MMRN1: variants seen among roughly 807,000 people sequenced by gnomAD.
MMRN1 encodes the protein multimerin 1.
A neutral mutation model predicts 100.7 loss-of-function variants in MMRN1; 94 were observed. That is an observed-to-expected ratio of 0.93 (90% CI 0.79 to 1.11). The LOEUF (loss-of-function observed/expected upper bound fraction) is 1.11. Among genes scored for constraint, MMRN1 ranks in the 50% least tolerant of loss-of-function variants. MMRN1 has a pLI of 0.00. For synonymous variants in MMRN1, 575 were observed against 505.0 expected (o/e 1.14, Z -1.86); for missense variants, 1,606 against 1,439.1 (o/e 1.12, Z -1.88).
intron 5 of MMRN1, 64 bp from the exon 6 acceptor site, chr4:89,934,746 T>C (rs1176660158): frequency 5.3e-6 from 5 of 947,996 alleles, no homozygotes; most frequent in Non-Finnish European, 5.9e-6. Context: ...ACTTTTTATC[T>C]TTTAGAGATG....
At chr4:89,923,446 A>C (rs1722153012) in intron 4 of MMRN1, among the ~76,000 whole-genome samples, 174 bp downstream of exon 4, 1 of 152,244 alleles carries the variant, frequency 6.6e-6, no homozygotes, top group African/African-American at 2.4e-5. Context: ...ATAAGCTATA[A>C]TAGGTACTGA....
intron 3 of MMRN1, among the ~76,000 whole-genome samples, chr4:89,913,371 T>A (rs1311723236): frequency 3.3e-5 from 5 of 151,322 alleles, no homozygotes; most frequent in African/African-American, 1.2e-4. Context: ...CACATCTTAT[T>A]AGTAGACATG....
At chr4:89,941,060 A>G (rs1193451389) in intron 6 of MMRN1, among the ~76,000 whole-genome samples, 1 of 152,166 alleles carries the variant, frequency 6.6e-6, no homozygotes, top group African/African-American at 2.4e-5. Flanking sequence ...GTTTTCTCCA[A>G]GCGATTTTCT....
chr4:89,935,555 C>G lies in MMRN1; in HGVS notation c.1875C>G (p.Leu625=). 16 of 1,613,228 alleles carry G rather than the reference C, an allele frequency of 9.9e-6. No individual in the cohort carries two copies. Among genetic ancestry groups the G allele is most frequent in the Non-Finnish European group, 1.2e-5 (14 of 1,179,688 alleles). ...HVLNQTLAEV[L]FPMDNKMDKM... Reference sequence around the variant, plus strand: ...TAAATCAAACATTGGCTGAAGTTCTCTTTCCAATGGACAATAAGATGGACA... The same window carrying G: ...TAAATCAAACATTGGCTGAAGTTCTGTTTCCAATGGACAATAAGATGGACA... Residue 625 remains leucine, a synonymous_variant, in exon 6 of 8, where the codon CTC becomes CTG. Coordinates refer to ENST00000264790, the MANE Select transcript of MMRN1 (RefSeq NM_007351.3).
At chr4:89,916,077 G>A (rs1273450418) in intron 3 of MMRN1, among the ~76,000 whole-genome samples, 1 of 151,740 alleles carries the variant, frequency 6.6e-6, no homozygotes, top group African/African-American at 2.4e-5. Flanking sequence ...TGACTCCACT[G>A]TCAGAGATCC....
chr4:89,919,690 A>T (rs1269058033), intron 3 of MMRN1, among the ~76,000 whole-genome samples: 1 of 152,032 alleles, frequency 6.6e-6, no homozygotes, highest in Non-Finnish European at 1.5e-5. Flanking sequence ...CCTAAGTGAT[A>T]CAATTTTTGT....
rs375877079 is a variant in MMRN1 at position 89,931,048 on chromosome 4, T to C, written c.1129+3080T>C. Among the ~76,000 whole-genome samples the C allele has an allele frequency of 2.6e-5, 4 of 152,170 alleles. No individual in the cohort carries two copies. The East Asian group carries it at 5.8e-4, about 22-fold the overall frequency. On this transcript the variant is annotated intron_variant, in intron 5 of 7. Coordinates refer to ENST00000264790, the MANE Select transcript of MMRN1 (RefSeq NM_007351.3). Reference sequence around the variant, plus strand: ...ATATTGATTACTATTCTATATTTCATGTTTTGTTTTCTTTTTTCCATTACA... The same window carrying C: ...ATATTGATTACTATTCTATATTTCACGTTTTGTTTTCTTTTTTCCATTACA...
intron 5 of MMRN1, among the ~76,000 whole-genome samples, chr4:89,934,458 C>T (rs1722537376): frequency 6.6e-6 from 1 of 152,050 alleles, no homozygotes; most frequent in Non-Finnish European, 1.5e-5. Context: ...AGCCCAAAGC[C>T]ATTTATTTTC....
chr4:89,899,253 C>T (rs962803157), intron 1 of MMRN1, among the ~76,000 whole-genome samples: 2 of 151,630 alleles, frequency 1.3e-5, no homozygotes, highest in Non-Finnish European at 2.9e-5. Context: ...CAAAATAGAC[C>T]TATGGTTTCC....
chr4:89,884,163 G>A (rs894512936), intron 1 of MMRN1, among the ~76,000 whole-genome samples: 4 of 151,592 alleles, frequency 2.6e-5, no homozygotes, highest in African/African-American at 7.3e-5. Flanking sequence ...CAATTTTTTT[G>A]GAAAATTGTT....
At chr4:89,931,621 G>A (rs1462391852) in intron 5 of MMRN1, among the ~76,000 whole-genome samples, 4 of 152,152 alleles carry the variant, frequency 2.6e-5, no homozygotes, top group African/African-American at 9.7e-5. Flanking sequence ...CATGGCTGGG[G>A]AGGCCTCACA....
rs1722313707 is a variant in MMRN1, at chr4:89,927,912, C to T, written c.1073C>T (p.Ser358Phe). The change falls in exon 5 of 8, where the codon TCC (serine) becomes TTC (phenylalanine). Residue 358 changes from serine to phenylalanine, a missense_variant. By Grantham distance (155) the Ser-to-Phe change is radical. Transcript: ENST00000264790. The part of the protein sequence containing the change: ...TVNDVRNTYS[S>F]LEGKVSEDKS... ...AATGATGTAAGGAACACTTACTCCTCCCTAGAAGGAAAAGTCAGCGAAGAT... is the reference window on the plus strand; with the variant it reads ...AATGATGTAAGGAACACTTACTCCTTCCTAGAAGGAAAAGTCAGCGAAGAT... 1 of 1,609,132 alleles carries T rather than the reference C, an allele frequency of 6.2e-7. No homozygotes were observed. The highest frequency in any genetic ancestry group is 1.3e-5 in the African/African-American group (1 of 74,650).
At position 89,937,594 on chromosome 4, in the gene MMRN1, A is replaced by G. The variant is rs145203842; in HGVS notation, c.3118+796A>G. 8.7e-3 allele frequency among the ~76,000 whole-genome samples: 1,326 copies of G among 152,214 alleles called. 21 individuals are homozygous for G. The highest frequency in any genetic ancestry group is 0.029 in the African/African-American group (1,220 of 41,558). ...AGTTTCTGTGTTAGTTAATAGCACT[A>G]GGTAAAAAGTTCACCTCTCTAGGCC... On this transcript the variant is annotated intron_variant, in intron 6 of 7. Transcript: ENST00000264790.
At chr4:89,881,335 A>G (rs1720810177) in intron 1 of MMRN1, among the ~76,000 whole-genome samples, 1 of 152,122 alleles carries the variant, frequency 6.6e-6, no homozygotes, top group African/African-American at 2.4e-5. Flanking sequence ...TAAATGTAGG[A>G]CCTGCTTATT....
At chr4:89,920,528 T>A (rs1722055127) in intron 3 of MMRN1, among the ~76,000 whole-genome samples, 1 of 152,070 alleles carries the variant, frequency 6.6e-6, no homozygotes, top group Non-Finnish European at 1.5e-5. Flanking sequence ...TCCACCCCCA[T>A]CCCACTTCAC....
At chr4:89,948,546 G>A (rs1347607600) in intron 6 of MMRN1, among the ~76,000 whole-genome samples, 2 of 152,154 alleles carry the variant, frequency 1.3e-5, no homozygotes, top group African/African-American at 4.8e-5. Flanking sequence ...GAGACAGTGT[G>A]ATACAGATGC....
At chr4:89,930,652 T>C (rs1722406804) in intron 5 of MMRN1, among the ~76,000 whole-genome samples, 2 of 152,030 alleles carry the variant, frequency 1.3e-5, no homozygotes, top group Non-Finnish European at 2.9e-5. Flanking sequence ...TTAGAGTCAT[T>C]TTTAACTAAT....
At chr4:89,886,491 T>G (rs865807193) in intron 1 of MMRN1, among the ~76,000 whole-genome samples, 6 of 152,260 alleles carry the variant, frequency 3.9e-5, no homozygotes, top group Admixed American at 1.3e-4. Context: ...GAGGGTTCCA[T>G]GTACATTTAA....
Position 89,953,720 on chromosome 4 carries a change from T to C in MMRN1, c.*302T>C. 1 of 219,590 alleles carries C rather than the reference T, an allele frequency of 4.6e-6. No homozygotes were observed. The highest frequency in any genetic ancestry group is 8.8e-6 in the Non-Finnish European group (1 of 113,034). 13.6% of individuals were successfully genotyped at this position (219,590 alleles called of 1,614,324 possible). On this transcript the variant is annotated 3_prime_UTR_variant, in exon 8 of 8. Transcript: ENST00000264790. ...TAAGTCATTGCAATGGAAAGTAATA[T>C]TATAAAATGGTAATTACAACATATT...
Sources: gnomAD v4.1 joint callset for allele counts (sites outside exome capture counted in the v4.1 genomes callset) on GRCh38, gnomAD v4.1.1 for gene constraint, MANE v1.5 for transcripts, NCBI Gene and HGNC (gene_info 2026-07-23, HGNC 2026-07-21) for gene names.